CEP128: variants seen among roughly 807,000 people sequenced by gnomAD.
CEP128 encodes centrosomal protein 128kDa.
A neutral mutation model predicts 156.7 loss-of-function variants in CEP128; 132 were observed. The observed-to-expected ratio is 0.84, with a 90% CI of 0.73 to 0.97. The LOEUF is 0.97. Ranked by LOEUF, CEP128 falls within the 50% of genes least tolerant of loss-of-function variation. The pLI is 0.00. For missense variants in CEP128, 1,252 were observed against 1,281.9 expected, an observed-to-expected ratio of 0.98 and a Z score of 0.36; for synonymous variants, 469 against 448.9, an observed-to-expected ratio of 1.04 and a Z score of -0.57.
At chr14:80,734,693 C>T (rs926358281) in intron 19 of CEP128, among the ~76,000 whole-genome samples, 5 of 151,314 alleles carry the variant, frequency 3.3e-5, no homozygotes, top group African/African-American at 1.2e-4. Flanking sequence ...ACTAAAAATA[C>T]AAAACTTAAC....
chr14:80,572,958 T>C (rs1319365663), intron 20 of CEP128, among the ~76,000 whole-genome samples: 1 of 152,220 alleles, frequency 6.6e-6, no homozygotes, highest in Non-Finnish European at 1.5e-5. Flanking sequence ...AGTCTTGCTC[T>C]GTTGGCCAGG....
chr14:80,610,285 G>A (rs1232194305), intron 19 of CEP128, among the ~76,000 whole-genome samples: 1 of 151,900 alleles, frequency 6.6e-6, no homozygotes, highest in African/African-American at 2.4e-5. Context: ...TATATATCTA[G>A]GAATGCTACT....
intron 21 of CEP128, among the ~76,000 whole-genome samples, chr14:80,535,199 G>C (rs146768712): frequency 6.6e-6 from 1 of 152,156 alleles, no homozygotes; most frequent in South Asian, 2.1e-4. Context: ...AGATAGGTAC[G>C]TATTATTGTT....
intron 15 of CEP128, among the ~76,000 whole-genome samples, 194 bp downstream of exon 15, chr14:80,784,701 A>C (rs950505772): frequency 6.6e-6 from 1 of 152,214 alleles, no homozygotes; most frequent in African/African-American, 2.4e-5. Flanking sequence ...GCTCTGAAAT[A>C]GGTGCTCCCA....
intron 19 of CEP128, among the ~76,000 whole-genome samples, chr14:80,705,764 G>A (rs147650681): frequency 7.2e-5 from 11 of 152,298 alleles, no homozygotes; most frequent in Non-Finnish European, 1.0e-4. Context: ...AGAGCCATAT[G>A]TGGATTCTCT....
intron 8 of CEP128, among the ~76,000 whole-genome samples, chr14:80,884,777 GC>G (rs929395540): frequency 1.3e-5 from 2 of 152,220 alleles, no homozygotes; most frequent in African/African-American, 4.8e-5. Flanking sequence ...TTCTTTTGTA[GC>G]CCAGTGGTGC....
chr14:80,635,342 T>C (rs1894136210), intron 19 of CEP128, among the ~76,000 whole-genome samples: 1 of 152,270 alleles, frequency 6.6e-6, no homozygotes, highest in South Asian at 2.1e-4. Flanking sequence ...ATAAGATGAA[T>C]TGACATCATC....
At chr14:80,904,669 G>C in intron 6 of CEP128, 144 bp downstream of exon 6, 4 of 575,272 alleles carry the variant, frequency 7.0e-6, no homozygotes, top group Non-Finnish European at 1.3e-5. Context: ...CGTTTACTTG[G>C]TTCCAAAAAA....
chr14:80,935,132 A>G (rs1885707256), intron 2 of CEP128, among the ~76,000 whole-genome samples: 1 of 152,232 alleles, frequency 6.6e-6, no homozygotes, highest in Non-Finnish European at 1.5e-5. Context: ...CTTTTTAATC[A>G]GTACACTTGT....
chr14:80,733,169 C>A (rs1300256164), intron 19 of CEP128, among the ~76,000 whole-genome samples: 1 of 152,144 alleles, frequency 6.6e-6, no homozygotes, highest in East Asian at 1.9e-4. Flanking sequence ...CAAACTAGGA[C>A]ATCAATTCTC....
At chr14:80,598,493 C>T (rs139546601) in intron 19 of CEP128, among the ~76,000 whole-genome samples, 1 of 152,152 alleles carries the variant, frequency 6.6e-6, no homozygotes, top group East Asian at 1.9e-4. Context: ...AATTATAAGA[C>T]GTACTGTATT....
At chr14:80,767,168 T>A (rs1260298890) in intron 16 of CEP128, among the ~76,000 whole-genome samples, 1 of 152,038 alleles carries the variant, frequency 6.6e-6, no homozygotes, top group Admixed American at 6.5e-5. Context: ...ACATAAAATG[T>A]CAACCAGGGC....
intron 19 of CEP128, among the ~76,000 whole-genome samples, chr14:80,613,403 T>C (rs1893084503): frequency 7.2e-6 from 1 of 138,986 alleles, no homozygotes; most frequent in South Asian, 2.4e-4. Context: ...CCTGGGTTCA[T>C]GCCATTCTCC....
chr14:80,805,847 C>G (rs1884146401), intron 13 of CEP128, among the ~76,000 whole-genome samples: 1 of 152,188 alleles, frequency 6.6e-6, no homozygotes, highest in South Asian at 2.1e-4. Flanking sequence ...GGCTGTCATT[C>G]ATTGAGACCA....
intron 2 of CEP128, chr14:80,955,991 T>A: frequency 9.8e-7 from 1 of 1,015,876 alleles, no homozygotes; most frequent in Non-Finnish European, 1.5e-6. Context: ...TCTGTGTGTG[T>A]AGATGTGTGT....
rs540442892 is a variant in CEP128, at chr14:80,610,018, A to G, written c.2807-29595T>C. Reference sequence around the variant, plus strand: ...CATCTCAGTGTACTTGTTTATGATTATGCTATGTGTGTGTGCATGCATACA... The same window carrying G: ...CATCTCAGTGTACTTGTTTATGATTGTGCTATGTGTGTGTGCATGCATACA... On this transcript the variant is annotated intron_variant, in intron 19 of 24. Coordinates refer to ENST00000555265, the MANE Select transcript of CEP128 (RefSeq NM_152446.5). Among the ~76,000 whole-genome samples the G allele has an allele frequency of 4.5e-4, 68 of 152,280 alleles. No individual in the cohort carries two copies. In the South Asian group the frequency reaches 6.6e-3, roughly 15 times the overall value.
chr14:80,543,909 A>C (rs8018254), intron 21 of CEP128, among the ~76,000 whole-genome samples: 9,545 of 152,254 alleles, frequency 0.063, 417 homozygotes, highest in African/African-American at 0.12. Context: ...AGTAACTAAA[A>C]GTAGCCAAAA....
At chr14:80,514,702 C>T (rs1215694987) in intron 23 of CEP128, 1 of 416,102 alleles carries the variant, frequency 2.4e-6, no homozygotes, top group Non-Finnish European at 4.9e-6. Flanking sequence ...ATTTTTGTCA[C>T]TCCAGTATCA....
chr14:80,512,758 G>T (rs918321584), intron 23 of CEP128, among the ~76,000 whole-genome samples: 7 of 150,722 alleles, frequency 4.6e-5, no homozygotes, highest in Non-Finnish European at 1.0e-4. Context: ...TTGATTTAAG[G>T]TTATCATGAG....
Sources: gnomAD v4.1 joint callset for allele counts (sites outside exome capture counted in the v4.1 genomes callset) on GRCh38, gnomAD v4.1.1 for gene constraint, MANE v1.5 for transcripts, NCBI Gene and HGNC (gene_info 2026-07-23, HGNC 2026-07-21) for gene names.